The following EPHA8 variants were observed in gnomAD, a reference collection of about 807,000 sequenced individuals.
The protein encoded by EPHA8 is EPH receptor A8.
EPHA8 carries 58 observed loss-of-function variants against 103.6 expected under a neutral mutation model. The observed-to-expected ratio is 0.56, with a 90% confidence interval of 0.45 to 0.70. The LOEUF is 0.70. Among genes scored for constraint, EPHA8 ranks in the 30% least tolerant of loss-of-function variants. The probability of loss-of-function intolerance (pLI) is 0.00; values close to 1 mark genes in which losing one functional copy is unlikely to be tolerated. For synonymous variants in EPHA8, 559 were observed against 572.5 expected (o/e 0.98, Z 0.34); for missense variants, 1,304 against 1,395.2 (o/e 0.93, Z 1.04).
At chr1:22,594,704 G>A in intron 7 of EPHA8, among the ~76,000 whole-genome samples, 1 of 152,188 alleles carries the variant, frequency 6.6e-6, no homozygotes, top group East Asian at 1.9e-4. Flanking sequence ...GTGCTTGTAG[G>A]CCTGGCACCC....
chr1:22,577,932 TGAGTGTATGTGTGC>T (rs1276180917), intron 3 of EPHA8, among the ~76,000 whole-genome samples: 23 of 107,688 alleles, frequency 2.1e-4, no homozygotes, highest in Middle Eastern at 4.9e-3. Context: ...TATGTGTGCG[TGAGTGTATGTGTGC>T]GAGTGTATGC....
At position 22,601,450 on chromosome 1, in the gene EPHA8, C is replaced by T; in HGVS notation, c.2880C>T (p.Gly960=). ...CTGCGGGCGGATACTCCTCTCTGGG[C>T]ATGGTGCTACGCATGAACGCCCAGT... ...HFAAGGYSSL[G]MVLRMNAQDV... The change falls in exon 16 of 17, where the codon GGC becomes GGT. Residue 960 remains glycine (G), a synonymous_variant. Coordinates refer to ENST00000166244, the MANE Select transcript of EPHA8 (RefSeq NM_020526.5). 1.2e-6 allele frequency: 2 copies of T among 1,610,152 alleles called. No homozygotes were observed. The highest frequency in any genetic ancestry group is 1.7e-6 in the Non-Finnish European group (2 of 1,179,782).
rs1282268197 is a variant in EPHA8, at chr1:22,601,074, C to T, written c.2715C>T (p.Thr905=). 10 of 1,607,084 alleles carry T rather than the reference C, an allele frequency of 6.2e-6. No individual in the cohort carries two copies. The highest frequency in any genetic ancestry group is 1.7e-4 in the Middle Eastern group (1 of 6,048). ...LIRSPESLRA[T]ATVSRCPPPA... is the part of the protein sequence containing the mutation. ...GCAGCCCTGAGAGTCTCAGGGCCAC[C>T]GCCACAGTCAGCAGGTGCCTTGTGC... is the stretch of plus-strand genomic sequence containing the variant. The change falls in exon 15 of 17, where the codon ACC becomes ACT. Residue 905 remains threonine, a synonymous_variant. Transcript: ENST00000166244.
chr1:22,584,180 G>A (rs934428517), intron 3 of EPHA8, among the ~76,000 whole-genome samples: 3 of 152,274 alleles, frequency 2.0e-5, no homozygotes, highest in East Asian at 1.9e-4. Flanking sequence ...AGCGGCCCCC[G>A]GGGCTCAGAA....
Position 22,597,917 on chromosome 1 carries a change from C to T in EPHA8, c.2116+56C>T. ...GCAGTGCCCCTCCTGCCTGGAGAGG[C>T]CTCTGGGTCCATCCCCTCATCCATC... On this transcript the variant is annotated intron_variant, in intron 11 of 16. Transcript: ENST00000166244. This position sits in a 1 kb window ranked among gnomAD's most constrained non-coding sequence, Gnocchi z 4.6. 1.3e-6 allele frequency: 2 copies of T among 1,569,974 alleles called. No homozygotes were observed. Among genetic ancestry groups the T allele is most frequent in the South Asian group, 1.2e-5 (1 of 84,212 alleles).
chr1:22,564,837 G>A (rs1372870643), intron 1 of EPHA8, among the ~76,000 whole-genome samples: 2 of 152,114 alleles, frequency 1.3e-5, no homozygotes, highest in African/African-American at 4.8e-5. Context: ...GACCAGAGCT[G>A]GGTCCTCACC....
In EPHA8 at chr1:22,576,713, C is replaced by T. The variant is rs1394031937; in HGVS notation, c.656C>T (p.Thr219Met). ...CTGGCTGCCTTCTCGGAGGCAGTGA[C>T]GGGGGCCGACTCGTCCTCACTGGTG... is the stretch of plus-strand genomic sequence containing the variant. ...RNLAAFSEAVTGADSSSLVEV... is the reference protein window; with the variant it reads ...RNLAAFSEAVMGADSSSLVEV... Residue 219 changes from threonine (T) to methionine (M), a missense_variant, in exon 3 of 17, where the codon ACG becomes ATG. By Grantham distance (81) the Thr-to-Met change is moderately conservative (BLOSUM62 -1). Transcript: ENST00000166244. This position sits in a 1 kb window ranked among gnomAD's most constrained non-coding sequence, Gnocchi z 4.8. The T allele has an allele frequency of 2.5e-6, 4 of 1,613,820 alleles. No individual in the cohort carries two copies. Among genetic ancestry groups the T allele is most frequent in the South Asian group, 1.1e-5 (1 of 91,086 alleles).
At chr1:22,574,320 C>T (rs1478990312) in intron 2 of EPHA8, among the ~76,000 whole-genome samples, 1 of 152,204 alleles carries the variant, frequency 6.6e-6, no homozygotes, top group African/African-American at 2.4e-5. Context: ...GTGAAATACA[C>T]ATAAGGTAAA....
chr1:22,591,396 T>G (rs1407270076), intron 5 of EPHA8, among the ~76,000 whole-genome samples: 2 of 149,792 alleles, frequency 1.3e-5, no homozygotes, highest in African/African-American at 4.9e-5. Context: ...TGATTTTTTT[T>G]TTTTTGTAGA....
At chr1:22,583,065 G>A (rs1391087378) in intron 3 of EPHA8, among the ~76,000 whole-genome samples, 1 of 152,238 alleles carries the variant, frequency 6.6e-6, no homozygotes, top group Non-Finnish European at 1.5e-5. Context: ...CAGAGAGGTG[G>A]CCAGGGCCAC....
chr1:22,599,199 GC>G (rs1641609948), intron 13 of EPHA8, 152 bp downstream of exon 13: 1 of 798,936 alleles, frequency 1.3e-6, no homozygotes, highest in African/African-American at 1.7e-5. Context: ...TCCTCTTCAC[GC>G]CAGTGCCTTC....
chr1:22,583,111 G>T (rs530093061), intron 3 of EPHA8, among the ~76,000 whole-genome samples: 1 of 152,342 alleles, frequency 6.6e-6, no homozygotes, highest in South Asian at 2.1e-4. Context: ...CCTGGGCAAG[G>T]TGCCCTCAGC....
At chr1:22,578,408 G>C (rs1254637122) in intron 3 of EPHA8, among the ~76,000 whole-genome samples, 2 of 136,490 alleles carry the variant, frequency 1.5e-5, no homozygotes, top group African/African-American at 2.8e-5. Context: ...ATGAGTGTAT[G>C]CATGTCTGCA....
At chr1:22,565,719 C>T (rs1490171336) in intron 1 of EPHA8, among the ~76,000 whole-genome samples, 1 of 152,100 alleles carries the variant, frequency 6.6e-6, no homozygotes, top group African/African-American at 2.4e-5. Context: ...GGGGAGGGGA[C>T]CTGTGCAGTG....
Position 22,589,298 on chromosome 1 carries a change from G to C in EPHA8, c.1315+92G>C. 6.2e-7 allele frequency: 1 copy of C among 1,612,692 alleles called. No individual in the cohort carries two copies. The highest frequency in any genetic ancestry group is 1.3e-5 in the African/African-American group (1 of 75,064). The stretch of plus-strand genomic sequence containing the variant: ...GGGATCAGAGCTCTGCCGGGGACGT[G>C]CTGTGGGCCTTTAGGCAAGTGCCTC... On this transcript the variant is annotated intron_variant, in intron 5 of 16. Transcript: ENST00000166244. This position sits in a 1 kb window ranked among gnomAD's most constrained non-coding sequence, Gnocchi z 4.3.
intron 4 of EPHA8, among the ~76,000 whole-genome samples, chr1:22,588,537 T>C (rs609125): frequency 0.48 from 72,709 of 150,952 alleles, 18,991 homozygotes; most frequent in African/African-American, 0.71. Flanking sequence ...GGGTGGCTGC[T>C]GTGGGCACCC....
chr1:22,598,547 T>C lies in EPHA8; in HGVS notation c.2179-291T>C, dbSNP rs1001033886. Among the ~76,000 whole-genome samples, 3 of 152,044 alleles carry C rather than the reference T, an allele frequency of 2.0e-5. No individual in the cohort carries two copies. The highest frequency in any genetic ancestry group is 7.2e-5 in the African/African-American group (3 of 41,410). On this transcript the variant is annotated intron_variant, in intron 12 of 16. Transcript: ENST00000166244. The surrounding 1 kb of genome is among the most constrained non-coding windows in gnomAD (Gnocchi z 5.1). ...TTCCCAGCTCCTGCCCACAGTTTCT[T>C]TGCTGGGTGCTCTTAGGCACAGAGC... is the stretch of plus-strand genomic sequence containing the variant.
chr1:22,565,244 C>T (rs1215835412), intron 1 of EPHA8, among the ~76,000 whole-genome samples: 1 of 152,248 alleles, frequency 6.6e-6, no homozygotes, highest in Non-Finnish European at 1.5e-5. Context: ...AACAAACACA[C>T]ACAGACACAG....
intron 4 of EPHA8, among the ~76,000 whole-genome samples, chr1:22,587,391 G>A (rs1285667841): frequency 1.3e-5 from 2 of 152,184 alleles, no homozygotes; most frequent in Admixed American, 6.5e-5. Flanking sequence ...AGCTCAGCAC[G>A]TGTGTGTGTG....
Sources: allele counts gnomAD v4.1 joint callset (sites outside exome capture counted in the v4.1 genomes callset), GRCh38; gene constraint gnomAD v4.1.1; non-coding constraint Gnocchi (gnomAD v3.1); transcripts MANE v1.5; gene names NCBI Gene and HGNC (gene_info 2026-07-23, HGNC 2026-07-21).